Variants in LINC00305 observed in about 807,000 individuals in gnomAD.
LINC00305 encodes long intergenic non-protein coding RNA 305.
At chr18:64,140,079 A>T (rs1359594287) in intron 1 of LINC00305, among the ~76,000 whole-genome samples, 1 of 152,072 alleles carries the variant, frequency 6.6e-6, no homozygotes, top group Non-Finnish European at 1.5e-5. Context: ...TGGCCCACAG[A>T]CAAGCAGGCT....
chr18:64,088,253 C>T (rs2051211856), intron 3 of LINC00305, among the ~76,000 whole-genome samples: 1 of 152,176 alleles, frequency 6.6e-6, no homozygotes, highest in African/African-American at 2.4e-5. Context: ...CTTTCTTTTC[C>T]CTCACCAGTT....
chr18:64,123,954 T>G (rs2051373510), intron 1 of LINC00305, among the ~76,000 whole-genome samples: 1 of 152,108 alleles, frequency 6.6e-6, no homozygotes, highest in Admixed American at 6.6e-5. Context: ...ACGTAATCTC[T>G]TGGCACACAC....
intron 1 of LINC00305, among the ~76,000 whole-genome samples, chr18:64,110,846 C>T (rs369858408): frequency 6.6e-6 from 1 of 152,180 alleles, no homozygotes; most frequent in East Asian, 1.9e-4. Flanking sequence ...AAAACTAAGC[C>T]GTTATTACCT....
chr18:64,131,860 G>C (rs1429754814), intron 1 of LINC00305, among the ~76,000 whole-genome samples: 1 of 152,166 alleles, frequency 6.6e-6, no homozygotes, highest in African/African-American at 2.4e-5. Context: ...CATCAGAAAT[G>C]GGGACTGGAT....
intron 1 of LINC00305, among the ~76,000 whole-genome samples, chr18:64,137,804 A>G (rs1366743226): frequency 1.3e-5 from 2 of 152,076 alleles, no homozygotes; most frequent in Non-Finnish European, 2.9e-5. Context: ...AAAGGAATTT[A>G]TCTGAGAGTT....
chr18:64,108,784 C>T (rs956812167), intron 1 of LINC00305, among the ~76,000 whole-genome samples: 1 of 152,098 alleles, frequency 6.6e-6, no homozygotes, highest in African/African-American at 2.4e-5. Context: ...CCAATACATA[C>T]TTTGATTATA....
chr18:64,141,994 C>T lies in LINC00305; in HGVS notation n.314+6781G>A, dbSNP rs78996280. On this transcript the variant is annotated intron_variant and non_coding_transcript_variant, in intron 1 of 3. Coordinates refer to ENST00000666468, the Ensembl canonical transcript of LINC00305. ...CTAAAATGGGATGTACATTATTGAG[C>T]TATAAAGGTCTTGGAATGAAATTTT... Among the ~76,000 whole-genome samples, 84 of 152,192 alleles carry T rather than the reference C, an allele frequency of 5.5e-4. 2 individuals are homozygous for T. The East Asian group carries it at 0.016, about 29-fold the overall frequency.
intron 1 of LINC00305, among the ~76,000 whole-genome samples, chr18:64,110,056 C>G (rs2051308623): frequency 6.6e-6 from 1 of 152,036 alleles, no homozygotes; most frequent in Admixed American, 6.6e-5. Context: ...CCAATATGGC[C>G]CATGGAAGCC....
chr18:64,129,595 A>G (rs1225558835), intron 1 of LINC00305, among the ~76,000 whole-genome samples: 1 of 152,148 alleles, frequency 6.6e-6, no homozygotes, highest in East Asian at 1.9e-4. Flanking sequence ...TTAAAAATCC[A>G]TTTAATTGTC....
chr18:64,112,140 C>T (rs916567500), intron 1 of LINC00305, among the ~76,000 whole-genome samples: 1 of 152,076 alleles, frequency 6.6e-6, no homozygotes, highest in African/African-American at 2.4e-5. Context: ...CAGCCTGCCG[C>T]AGATGCTCCT....
intron 1 of LINC00305, chr18:64,139,331 C>T (rs574113997): frequency 4.6e-5 from 7 of 152,282 alleles, no homozygotes; most frequent in African/African-American, 1.4e-4. Flanking sequence ...AGGATACATT[C>T]AAATGAAGTC....
chr18:64,094,297 C>A (rs774842479), intron 3 of LINC00305, among the ~76,000 whole-genome samples: 1 of 152,128 alleles, frequency 6.6e-6, no homozygotes, highest in African/African-American at 2.4e-5. Flanking sequence ...TCACAAGGTC[C>A]CCTTCTGAAA....
chr18:64,141,103 G>T (rs2126102), intron 1 of LINC00305, among the ~76,000 whole-genome samples: 2 of 142,472 alleles, frequency 1.4e-5, no homozygotes, highest in Non-Finnish European at 3.1e-5. Flanking sequence ...GCCTGAAGAA[G>T]AGTGCAGCCT....
At chr18:64,124,710 A>T (rs974827645) in intron 1 of LINC00305, among the ~76,000 whole-genome samples, 1 of 152,178 alleles carries the variant, frequency 6.6e-6, no homozygotes. Flanking sequence ...ACAATTACAT[A>T]GCAGTCACTA....
chr18:64,108,398 C>T (rs911463546), intron 1 of LINC00305, among the ~76,000 whole-genome samples: 1 of 152,178 alleles, frequency 6.6e-6, no homozygotes, highest in African/African-American at 2.4e-5. Flanking sequence ...TCCATTCGCC[C>T]TCCTCAGGTG....
At chr18:64,090,668 CT>C (rs2051221653) in intron 3 of LINC00305, among the ~76,000 whole-genome samples, 1 of 152,178 alleles carries the variant, frequency 6.6e-6, no homozygotes. Context: ...AAATATGAAG[CT>C]TCTTCCTTTC....
At chr18:64,116,501 T>A (rs1308119624) in intron 1 of LINC00305, among the ~76,000 whole-genome samples, 4 of 152,250 alleles carry the variant, frequency 2.6e-5, no homozygotes, top group Non-Finnish European at 5.9e-5. Flanking sequence ...TGATGTTAGT[T>A]CACATGCAGT....
At chr18:64,114,275 T>TA (rs1412217074) in intron 1 of LINC00305, among the ~76,000 whole-genome samples, 2 of 152,210 alleles carry the variant, frequency 1.3e-5, no homozygotes, top group African/African-American at 4.8e-5. Context: ...TTCAGGGTTC[T>TA]AAAGTGCAAA....
chr18:64,106,755 G>A (rs548895113), intron 1 of LINC00305, among the ~76,000 whole-genome samples: 10 of 152,178 alleles, frequency 6.6e-5, no homozygotes, highest in Non-Finnish European at 1.2e-4. Flanking sequence ...GAAAAATGAC[G>A]CAGGAACAAC....
Sources: allele counts gnomAD v4.1 joint callset (sites outside exome capture counted in the v4.1 genomes callset), GRCh38; gene constraint gnomAD v4.1.1; transcripts MANE v1.5; gene names NCBI Gene and HGNC (gene_info 2026-07-23, HGNC 2026-07-21).